KGD4: variants seen among roughly 807,000 people sequenced by gnomAD.
KGD4 encodes alpha-ketoglutarate dehydrogenase subunit 4.
At chr5:69,229,021 CAAAAAAAAAAAAAAA>C in the KGD4 span, among the ~76,000 whole-genome samples, 2 of 50,486 alleles carry the variant, frequency 4.0e-5, no homozygotes, top group Non-Finnish European at 6.6e-5. Context: ...AACTCCATCT[CAAAAAAAAAAAAAAA>C]AAAAAAAAAA....
chr5:69,217,999 C>T, the KGD4 span: 2 of 1,467,048 alleles, frequency 1.4e-6, no homozygotes, highest in Non-Finnish European at 9.4e-7. Flanking sequence ...GGGCCAGTGA[C>T]GGCGCCCGCG....
the KGD4 span, among the ~76,000 whole-genome samples, chr5:69,227,653 C>A: frequency 1.3e-5 from 2 of 152,164 alleles, no homozygotes; most frequent in African/African-American, 4.8e-5. Flanking sequence ...CATTTACTGA[C>A]TTTCTTATTC....
chr5:69,229,818 A>G, the KGD4 span: 4 of 152,200 alleles, frequency 2.6e-5, no homozygotes, highest in Non-Finnish European at 5.9e-5. Context: ...GAGATCATAC[A>G]AAAGATTCCA....
At chr5:69,226,264 C>T in the KGD4 span, 230 of 1,009,140 alleles carry the variant, frequency 2.3e-4, no homozygotes, top group Middle Eastern at 9.6e-4. Context: ...ACAAACGTAT[C>T]TACTTATGAG....
At chr5:69,229,171 A>G in the KGD4 span, 2 of 1,586,560 alleles carry the variant, frequency 1.3e-6, no homozygotes, top group Non-Finnish European at 1.7e-6. Context: ...GAGTCAATTT[A>G]ACATCTAATC....
the KGD4 span, among the ~76,000 whole-genome samples, chr5:69,218,470 A>ATGTGTG: frequency 0.029 from 4,258 of 148,608 alleles, 68 homozygotes; most frequent in Non-Finnish European, 0.039. Context: ...GTGTATATTA[A>ATGTGTG]TGTGTGTGTG....
chr5:69,223,901 C>T, the KGD4 span, among the ~76,000 whole-genome samples: 64 of 151,532 alleles, frequency 4.2e-4, 2 homozygotes, highest in South Asian at 1.0e-3. Context: ...GGTGTGGTGG[C>T]GGGCACCTGT....
At chr5:69,219,985 T>G in the KGD4 span, among the ~76,000 whole-genome samples, 2 of 152,110 alleles carry the variant, frequency 1.3e-5, no homozygotes, top group African/African-American at 4.8e-5. Context: ...ATCCCAACAC[T>G]TTGGTAGTTT....
At chr5:69,218,107 G>A in the KGD4 span, 1 of 623,488 alleles carries the variant, frequency 1.6e-6, no homozygotes, top group Non-Finnish European at 2.8e-6. Context: ...GCAGCATCTT[G>A]GCAGGTAGGT....
chr5:69,220,246 A>C, the KGD4 span, among the ~76,000 whole-genome samples: 1 of 152,096 alleles, frequency 6.6e-6, no homozygotes, highest in Non-Finnish European at 1.5e-5. Context: ...AAACAAAAAA[A>C]CATAGAGCTT....
the KGD4 span, chr5:69,228,067 A>G: frequency 8.8e-6 from 6 of 683,060 alleles, no homozygotes; most frequent in Non-Finnish European, 1.4e-5. Context: ...TTTTGGAATT[A>G]TAATACTTCA....
At chr5:69,223,567 C>T in the KGD4 span, among the ~76,000 whole-genome samples, 3 of 91,556 alleles carry the variant, frequency 3.3e-5, no homozygotes, top group Non-Finnish European at 7.2e-5. Context: ...GCAGATAAAC[C>T]CACCTCAGTC....
the KGD4 span, chr5:69,226,322 A>G: frequency 6.4e-7 from 1 of 1,570,834 alleles, no homozygotes; most frequent in Admixed American, 1.7e-5. Flanking sequence ...TTTCATGCAT[A>G]TTACTTTTCA....
chr5:69,228,691 T>C, the KGD4 span, among the ~76,000 whole-genome samples: 3 of 152,098 alleles, frequency 2.0e-5, no homozygotes, highest in South Asian at 2.1e-4. Context: ...CAGGTCAACC[T>C]TGAGTCCCTT....
chr5:69,223,097 G>C, the KGD4 span, among the ~76,000 whole-genome samples: 1 of 10,194 alleles, frequency 9.8e-5, no homozygotes, highest in Admixed American at 1.2e-3. Context: ...TTTTTTTTTT[G>C]AGACAAAGTC....
At chr5:69,224,246 C>T in the KGD4 span, among the ~76,000 whole-genome samples, 7 of 151,850 alleles carry the variant, frequency 4.6e-5, no homozygotes, top group East Asian at 3.9e-4. Context: ...CAAAAATTAG[C>T]GGGGTGTGGT....
the KGD4 span, among the ~76,000 whole-genome samples, chr5:69,223,074 C>CT: frequency 0.014 from 817 of 59,076 alleles, 68 homozygotes; most frequent in African/African-American, 0.056. Context: ...CGGTGCGCAG[C>CT]TTTTTTTTTT....
the KGD4 span, chr5:69,228,501 G>A: frequency 9.4e-7 from 1 of 1,065,966 alleles, no homozygotes; most frequent in African/African-American, 1.6e-5. Flanking sequence ...AGTGTGGTCA[G>A]AGCTAAGACA....
At chr5:69,225,921 G>T in the KGD4 span, among the ~76,000 whole-genome samples, 1 of 152,072 alleles carries the variant, frequency 6.6e-6, no homozygotes, top group Non-Finnish European at 1.5e-5. Context: ...GGTAGAGACG[G>T]GGTTTCACCA....
Sources: gnomAD v4.1 joint callset for allele counts (sites outside exome capture counted in the v4.1 genomes callset) on GRCh38, gnomAD v4.1.1 for gene constraint, MANE v1.5 for transcripts, NCBI Gene and HGNC (gene_info 2026-07-23, HGNC 2026-07-21) for gene names.